TMEM163: variants seen among roughly 807,000 people sequenced by gnomAD.
The protein encoded by TMEM163 is transmembrane protein 163.
Under a neutral mutation model 29.3 loss-of-function variants are expected in TMEM163, and 17 were observed. The observed-to-expected ratio is 0.58, with a 90% CI of 0.40 to 0.87. The LOEUF is 0.87. TMEM163 is among the 40% of genes least tolerant of loss of function. The pLI is 0.00. For missense variants in TMEM163, 303 were observed against 381.5 expected (o/e 0.79, Z 1.71); for synonymous variants, 157 against 160.6 (o/e 0.98, Z 0.17).
intron 7 of TMEM163, 108 bp downstream of exon 7, chr2:134,457,924 G>T: frequency 6.5e-7 from 1 of 1,546,028 alleles, no homozygotes. Flanking sequence ...AGGGGCACAG[G>T]TACAAAATAT....
intron 2 of TMEM163, among the ~76,000 whole-genome samples, chr2:134,686,431 A>C (rs1684353684): frequency 6.6e-6 from 1 of 152,164 alleles, no homozygotes; most frequent in Non-Finnish European, 1.5e-5. Flanking sequence ...CCCCAGTCAA[A>C]AGAAAGAACT....
chr2:134,656,109 A>G (rs1303132105), intron 2 of TMEM163, among the ~76,000 whole-genome samples: 1 of 143,552 alleles, frequency 7.0e-6, no homozygotes, highest in Non-Finnish European at 1.5e-5. Context: ...TTGTTTACCT[A>G]AGCAAGCCTG....
intron 4 of TMEM163, among the ~76,000 whole-genome samples, chr2:134,532,704 A>T (rs1397140908): frequency 6.6e-6 from 1 of 152,166 alleles, no homozygotes; most frequent in Non-Finnish European, 1.5e-5. Context: ...AAGCAACCTA[A>T]TACAGACCTG....
At chr2:134,576,303 C>G (rs546165037) in intron 2 of TMEM163, among the ~76,000 whole-genome samples, 1 of 152,218 alleles carries the variant, frequency 6.6e-6, no homozygotes, top group South Asian at 2.1e-4. Flanking sequence ...GTGAGACAAG[C>G]CTGTGACTGT....
chr2:134,647,773 G>C (rs1417905645), intron 2 of TMEM163, among the ~76,000 whole-genome samples: 1 of 152,198 alleles, frequency 6.6e-6, no homozygotes, highest in Non-Finnish European at 1.5e-5. Flanking sequence ...AGCAGGGGCG[G>C]ACTCCACTCA....
At chr2:134,683,017 A>C (rs552993452) in intron 2 of TMEM163, among the ~76,000 whole-genome samples, 1 of 152,338 alleles carries the variant, frequency 6.6e-6, no homozygotes, top group Non-Finnish European at 1.5e-5. Flanking sequence ...AGCCAAACTG[A>C]AAAGGCTACA....
At chr2:134,495,698 C>T (rs74860353) in intron 5 of TMEM163, among the ~76,000 whole-genome samples, 2,948 of 152,268 alleles carry the variant, frequency 0.019, 98 homozygotes, top group East Asian at 0.16. Flanking sequence ...AGAATGGAGT[C>T]GTTCATGCTA....
chr2:134,570,255 C>T (rs1243505629), intron 2 of TMEM163, among the ~76,000 whole-genome samples: 1 of 152,048 alleles, frequency 6.6e-6, no homozygotes, highest in African/African-American at 2.4e-5. Flanking sequence ...GAAACTTGTG[C>T]TAGGTTTGTT....
chr2:134,580,176 A>T (rs935298998), intron 2 of TMEM163, among the ~76,000 whole-genome samples: 3 of 152,244 alleles, frequency 2.0e-5, no homozygotes, highest in Non-Finnish European at 2.9e-5. Flanking sequence ...TTCACGGCAC[A>T]TTAAATGCTA....
chr2:134,682,692 G>A (rs1336266923), intron 2 of TMEM163, among the ~76,000 whole-genome samples: 4 of 152,150 alleles, frequency 2.6e-5, no homozygotes, highest in East Asian at 1.9e-4. Context: ...CATTACTGCC[G>A]GGAATACAAA....
At chr2:134,504,855 T>C (rs947079327) in intron 4 of TMEM163, among the ~76,000 whole-genome samples, 10 of 152,176 alleles carry the variant, frequency 6.6e-5, no homozygotes, top group African/African-American at 2.2e-4. Flanking sequence ...GATAGAGTCC[T>C]GGAGGAATGA....
intron 2 of TMEM163, among the ~76,000 whole-genome samples, chr2:134,627,205 G>C (rs971504800): frequency 2.0e-5 from 3 of 152,074 alleles, no homozygotes; most frequent in Admixed American, 6.6e-5. Context: ...TGGTACAGTA[G>C]GGCATTTCAT....
intron 5 of TMEM163, among the ~76,000 whole-genome samples, chr2:134,475,964 T>C (rs1686904040): frequency 6.6e-6 from 1 of 152,168 alleles, no homozygotes; most frequent in South Asian, 2.1e-4. Flanking sequence ...TACCATAGGA[T>C]TCAGCAATTC....
intron 2 of TMEM163, among the ~76,000 whole-genome samples, chr2:134,698,775 C>A (rs1684632177): frequency 6.6e-6 from 1 of 152,060 alleles, no homozygotes; most frequent in Non-Finnish European, 1.5e-5. Context: ...ATGATATGTA[C>A]AGGTATTTTA....
At chr2:134,636,639 C>G (rs1224312823) in intron 2 of TMEM163, among the ~76,000 whole-genome samples, 1 of 152,162 alleles carries the variant, frequency 6.6e-6, no homozygotes, top group Non-Finnish European at 1.5e-5. Flanking sequence ...TCCTTCTTGC[C>G]TAGGGACTAG....
At chr2:134,578,835 C>CT (rs998276966) in intron 2 of TMEM163, among the ~76,000 whole-genome samples, 4 of 152,188 alleles carry the variant, frequency 2.6e-5, no homozygotes, top group Admixed American at 2.6e-4. Flanking sequence ...CAAGTGGAGC[C>CT]TAACTGCATT....
chr2:134,672,536 T>C (rs1056923725), intron 2 of TMEM163, among the ~76,000 whole-genome samples: 5 of 152,216 alleles, frequency 3.3e-5, no homozygotes, highest in Admixed American at 2.0e-4. Flanking sequence ...CACACCTGCC[T>C]GGCTAATTTT....
intron 5 of TMEM163, among the ~76,000 whole-genome samples, chr2:134,499,508 G>T (rs72982258): frequency 1.3e-5 from 2 of 152,190 alleles, no homozygotes; most frequent in African/African-American, 2.4e-5. Flanking sequence ...CAGTTCCCCA[G>T]AGAGCCAGCT....
At chr2:134,501,356 T>C (rs554064481) in intron 5 of TMEM163, among the ~76,000 whole-genome samples, 2 of 152,256 alleles carry the variant, frequency 1.3e-5, no homozygotes, top group East Asian at 3.9e-4. Context: ...TTGCTCCCAG[T>C]TAAAAGTGGT....
Sources: allele counts gnomAD v4.1 joint callset (sites outside exome capture counted in the v4.1 genomes callset), GRCh38; gene constraint gnomAD v4.1.1; transcripts MANE v1.5; gene names NCBI Gene and HGNC (gene_info 2026-07-23, HGNC 2026-07-21).